Variants in PCDHAC2 observed in about 807,000 individuals in gnomAD.
PCDHAC2 encodes the protein protocadherin alpha subfamily C, 2.
PCDHAC2 carries 24 observed loss-of-function variants against 63.3 expected under a neutral mutation model. The observed-to-expected ratio is 0.38, with a 90% confidence interval of 0.27 to 0.53. The LOEUF (loss-of-function observed/expected upper bound fraction) is 0.53. Among genes scored for constraint, PCDHAC2 ranks in the 20% least tolerant of loss-of-function variants. The pLI is 0.81. For synonymous variants in PCDHAC2, 569 were observed against 529.4 expected (o/e 1.07, Z -1.03); for missense variants, 1,181 against 1,275.2 (o/e 0.93, Z 1.12).
intron 1 of PCDHAC2, chr5:140,969,549 C>A: frequency 1.6e-6 from 2 of 1,238,176 alleles, no homozygotes; most frequent in South Asian, 3.3e-5. Context: ...AGGCATGAAG[C>A]CTTGTCCATA....
chr5:140,983,005 A>AAAGG (rs1223217874), intron 3 of PCDHAC2, among the ~76,000 whole-genome samples: 11 of 152,228 alleles, frequency 7.2e-5, no homozygotes, highest in African/African-American at 2.4e-4. Flanking sequence ...AAAGAAAGAA[A>AAAGG]AAGGAAGGAA....
At chr5:140,971,987 G>A (rs1246433962) in intron 1 of PCDHAC2, among the ~76,000 whole-genome samples, 1 of 152,086 alleles carries the variant, frequency 6.6e-6, no homozygotes, top group Non-Finnish European at 1.5e-5. Context: ...GTAGACAGAA[G>A]TTCCAATGTT....
At position 140,967,043 on chromosome 5, in the gene PCDHAC2, G is replaced by A; in HGVS notation, c.277G>A (p.Asp93Asn). Reference sequence around the variant, plus strand: ...GCCCAGTCCGCGCTACCTGGAGCTGGACCTGACGAGTGGAGCGCTCTTCGT... The same window carrying A: ...GCCCAGTCCGCGCTACCTGGAGCTGAACCTGACGAGTGGAGCGCTCTTCGT... ...GAPSPRYLEL[D>N]LTSGALFVNE... Residue 93 changes from aspartate (D) to asparagine (N), a missense_variant, in exon 1 of 4, where the codon GAC (aspartate) becomes AAC (asparagine). Physicochemically the swap from Asp to Asn is conservative, Grantham distance 23. Transcript: ENST00000289269. 6.2e-7 allele frequency: 1 copy of A among 1,612,108 alleles called. No individual in the cohort carries two copies. Among genetic ancestry groups the A allele is most frequent in the Non-Finnish European group, 8.5e-7 (1 of 1,179,590 alleles).
In PCDHAC2 at chr5:140,966,599, C is replaced by T; in HGVS notation, c.-168C>T. 1.6e-6 allele frequency: 1 copy of T among 631,096 alleles called. No individual in the cohort carries two copies. Among genetic ancestry groups the T allele is most frequent in the Non-Finnish European group, 2.4e-6 (1 of 409,970 alleles). The allele number at this position is 631,096 out of a possible 1,614,324, so 39.1% of individuals were successfully genotyped here. A position where few individuals can be genotyped will look rare whatever the true frequency, so the allele number is the denominator to read the frequency against. ...CAGCGAGGACGGTGGGGCCAGGAGC[C>T]CTTGGGAGGGCCTACGGAGGGAGCG... On this transcript the variant is annotated 5_prime_UTR_variant, in exon 1 of 4. Transcript: ENST00000289269.
At chr5:140,970,221 C>G (rs2096390879) in intron 1 of PCDHAC2, among the ~76,000 whole-genome samples, 1 of 152,182 alleles carries the variant, frequency 6.6e-6, no homozygotes, top group South Asian at 2.1e-4. Context: ...TTAAATGCAG[C>G]CTGTAATCTT....
chr5:140,999,603 G>C (rs552647484), intron 3 of PCDHAC2, among the ~76,000 whole-genome samples: 1 of 152,246 alleles, frequency 6.6e-6, no homozygotes, highest in South Asian at 2.1e-4. Flanking sequence ...TACATCCTGG[G>C]GGACCTTATC....
At chr5:140,999,078 T>G (rs1554256609) in intron 3 of PCDHAC2, among the ~76,000 whole-genome samples, 2 of 152,208 alleles carry the variant, frequency 1.3e-5, no homozygotes, top group Non-Finnish European at 2.9e-5. Context: ...CTTCACTTCC[T>G]CCTTCAGAGG....
chr5:141,003,714 C>T (rs781976885), intron 3 of PCDHAC2, among the ~76,000 whole-genome samples: 17 of 152,266 alleles, frequency 1.1e-4, no homozygotes, highest in South Asian at 2.1e-4. Flanking sequence ...GTGAAGATAT[C>T]GGCTAATCCA....
At position 141,011,612 on chromosome 5, in the gene PCDHAC2, G is replaced by A. The variant is rs1031311936; in HGVS notation, c.*1675G>A. 11 of 153,524 alleles carry A rather than the reference G, an allele frequency of 7.2e-5. No individual in the cohort carries two copies. The highest frequency in any genetic ancestry group is 1.6e-4 in the Non-Finnish European group (11 of 67,990). 9.5% of individuals were successfully genotyped at this position (153,524 alleles called of 1,614,324 possible). A position where few individuals can be genotyped will look rare whatever the true frequency, so the allele number is the denominator to read the frequency against. On this transcript the variant is annotated 3_prime_UTR_variant, in exon 4 of 4. Coordinates refer to ENST00000289269, the MANE Select transcript of PCDHAC2 (RefSeq NM_018899.6). ...TGGTGATTCAAGGAATTTTATTTAT[G>A]GTCCAGCCAAGAGCCATCTCGTGCC...
chr5:140,985,389 C>T (rs1376347712), intron 3 of PCDHAC2, among the ~76,000 whole-genome samples: 1 of 152,266 alleles, frequency 6.6e-6, no homozygotes, highest in African/African-American at 2.4e-5. Context: ...AATCCAGTCA[C>T]CCCAACTGTT....
chr5:141,005,133 T>C (rs559773723), intron 3 of PCDHAC2, among the ~76,000 whole-genome samples: 3 of 152,328 alleles, frequency 2.0e-5, no homozygotes, highest in Admixed American at 6.5e-5. Context: ...AAGTGCCTCA[T>C]TGGAGAGTTG....
At chr5:140,987,223 A>C (rs1269747690) in intron 3 of PCDHAC2, among the ~76,000 whole-genome samples, 1 of 151,456 alleles carries the variant, frequency 6.6e-6, no homozygotes, top group African/African-American at 2.4e-5. Flanking sequence ...CAAAAAAAAA[A>C]AAAATAATAA....
chr5:140,988,900 G>A (rs2097319351), intron 3 of PCDHAC2: 1 of 152,194 alleles, frequency 6.6e-6, no homozygotes, highest in Admixed American at 6.5e-5. Context: ...ACATTTTAGA[G>A]GGTGTAGTGA....
chr5:140,979,060 C>T, intron 2 of PCDHAC2, 53 bp downstream of exon 2: 1 of 1,606,180 alleles, frequency 6.2e-7, no homozygotes, highest in Non-Finnish European at 8.5e-7. Context: ...TGGTATGGCT[C>T]AGATAAACTG....
chr5:140,986,204 T>A (rs2097190386), intron 3 of PCDHAC2, among the ~76,000 whole-genome samples: 1 of 152,224 alleles, frequency 6.6e-6, no homozygotes, highest in African/African-American at 2.4e-5. Context: ...TAATCCTGAT[T>A]ACTGGCCCCT....
chr5:140,969,538 G>A (rs916768919), intron 1 of PCDHAC2: 11 of 1,304,024 alleles, frequency 8.4e-6, no homozygotes, highest in African/African-American at 1.5e-5. Flanking sequence ...TTCATTTTCA[G>A]AGGCATGAAG....
At chr5:141,002,485 C>T (rs1287282223) in intron 3 of PCDHAC2, among the ~76,000 whole-genome samples, 2 of 152,154 alleles carry the variant, frequency 1.3e-5, no homozygotes, top group Non-Finnish European at 2.9e-5. Flanking sequence ...AAAGGATGAC[C>T]TTGTTATACA....
chr5:140,975,139 C>G (rs2096655397), intron 1 of PCDHAC2, among the ~76,000 whole-genome samples: 1 of 152,154 alleles, frequency 6.6e-6, no homozygotes, highest in Non-Finnish European at 1.5e-5. Flanking sequence ...GGCCTGGGGT[C>G]ACTCTCAGTT....
chr5:140,969,087 T>C lies in PCDHAC2; in HGVS notation c.2321T>C (p.Val774Ala), dbSNP rs146741684. Residue 774 changes from valine (V) to alanine (A), a missense_variant, in exon 1 of 4, where the codon GTG becomes GCG. Coordinates refer to ENST00000289269, the MANE Select transcript of PCDHAC2 (RefSeq NM_018899.6). ...IDARIPHGLK[V>A]QPHFIEVRGN... is the part of the protein sequence containing the mutation. ...GCCAGGATACCGCATGGCCTCAAAG[T>C]GCAGCCTCACTTCATTGAAGTTCGA... is the stretch of plus-strand genomic sequence containing the variant. 741 of 1,613,920 alleles carry C rather than the reference T, an allele frequency of 4.6e-4. No homozygotes were observed. The highest frequency in any genetic ancestry group is 5.8e-4 in the Non-Finnish European group (682 of 1,179,974).
Sources: gnomAD v4.1 joint callset for allele counts (sites outside exome capture counted in the v4.1 genomes callset) on GRCh38, gnomAD v4.1.1 for gene constraint, MANE v1.5 for transcripts, NCBI Gene and HGNC (gene_info 2026-07-23, HGNC 2026-07-21) for gene names.